SLC39A11: variants seen among roughly 807,000 people sequenced by gnomAD.
The protein encoded by SLC39A11 is solute carrier family 39 member 11.
Under a neutral mutation model 36.1 loss-of-function variants are expected in SLC39A11, and 33 were observed. That is an observed-to-expected ratio of 0.91 (90% CI 0.69 to 1.22). The LOEUF (loss-of-function observed/expected upper bound fraction) is 1.22, where lower values mean the gene tolerates loss of function less well. Ranked by LOEUF, SLC39A11 falls within the 50% of genes most tolerant of loss-of-function variation. SLC39A11 has a pLI of 0.00. For synonymous variants in SLC39A11, 166 were observed against 170.3 expected (o/e 0.97, Z 0.20); for missense variants, 432 against 430.3 (o/e 1.00, Z -0.03).
intron 6 of SLC39A11, among the ~76,000 whole-genome samples, chr17:72,829,014 C>T (rs2078152841): frequency 6.6e-6 from 1 of 152,118 alleles, no homozygotes; most frequent in African/African-American, 2.4e-5. Context: ...GGTTTGGTAA[C>T]ACAGTGCAGA....
chr17:73,066,950 G>C (rs533594972), intron 3 of SLC39A11, among the ~76,000 whole-genome samples: 2 of 152,116 alleles, frequency 1.3e-5, no homozygotes, highest in Non-Finnish European at 2.9e-5. Flanking sequence ...TATTTTTATC[G>C]TATATCCTTT....
chr17:72,932,363 A>T (rs1213766588), intron 5 of SLC39A11, among the ~76,000 whole-genome samples: 1 of 149,228 alleles, frequency 6.7e-6, no homozygotes, highest in African/African-American at 2.6e-5. Flanking sequence ...TTACATAGGT[A>T]TACACATGCC....
chr17:72,861,206 G>A (rs1022196970), intron 5 of SLC39A11, among the ~76,000 whole-genome samples: 3 of 152,164 alleles, frequency 2.0e-5, no homozygotes, highest in Non-Finnish European at 4.4e-5. Flanking sequence ...AATTCTCCAT[G>A]TCAGCAGAGT....
intron 3 of SLC39A11, among the ~76,000 whole-genome samples, chr17:73,062,718 C>T (rs762882290): frequency 5.9e-5 from 9 of 152,058 alleles, no homozygotes; most frequent in Non-Finnish European, 1.0e-4. Context: ...GGACTGGTTT[C>T]GTGGAAGACA....
chr17:72,971,604 G>C (rs1172806697), intron 4 of SLC39A11, among the ~76,000 whole-genome samples: 1 of 152,154 alleles, frequency 6.6e-6, no homozygotes, highest in Non-Finnish European at 1.5e-5. Context: ...GAGGAAGCTT[G>C]ACTCCCCGTG....
chr17:72,734,032 A>G (rs1056252896), intron 7 of SLC39A11, among the ~76,000 whole-genome samples: 5 of 152,174 alleles, frequency 3.3e-5, no homozygotes, highest in African/African-American at 1.2e-4. Flanking sequence ...GCAGGGTGGT[A>G]GGCTCTGCCT....
In SLC39A11 at chr17:73,031,537, A is replaced by C. The variant is rs2058738337; in HGVS notation, c.306+19T>G. ...TGGTTGTATCCCGATACGACAGCTA[A>C]AAGTAGAGTGGTACTCACCAAGTGA... is the stretch of plus-strand genomic sequence containing the variant. On this transcript the variant is annotated intron_variant, in intron 4 of 9. Transcript: ENST00000255559. 2.5e-6 allele frequency: 4 copies of C among 1,613,918 alleles called. No individual in the cohort carries two copies. The highest frequency in any genetic ancestry group is 3.4e-6 in the Non-Finnish European group (4 of 1,179,858).
rs975592531 is a variant in SLC39A11 at position 72,818,428 on chromosome 17, G to A, written c.601+31206C>T. On this transcript the variant is annotated intron_variant, in intron 6 of 9. Coordinates refer to ENST00000255559, the MANE Select transcript of SLC39A11 (RefSeq NM_139177.4). ...ACCTGCAGATGAAGTAGCTTGTTCC[G>A]AGAGGAATGACTTCACAAGGATGGC... Among the ~76,000 whole-genome samples, 5 of 152,158 alleles carry A rather than the reference G, an allele frequency of 3.3e-5. No homozygotes were observed. The South Asian group carries it at 6.2e-4, about 19-fold the overall frequency.
rs557510390 is a variant in SLC39A11, at chr17:72,735,447, G to A, written c.671+1203C>T. ...CAGTCACGATCAATGGGTGCAGGAG[G>A]GAGTGCTATTTCCTTGGGGGAGTCA... On this transcript the variant is annotated intron_variant, in intron 7 of 9. Coordinates refer to ENST00000255559, the MANE Select transcript of SLC39A11 (RefSeq NM_139177.4). Among the ~76,000 whole-genome samples, 220 of 152,228 alleles carry A rather than the reference G, an allele frequency of 1.4e-3. 1 individual carries two copies. Among genetic ancestry groups the A allele is most frequent in the Non-Finnish European group, 1.7e-3 (114 of 68,010 alleles).
chr17:72,706,325 A>C (rs970698618), intron 7 of SLC39A11, among the ~76,000 whole-genome samples: 2 of 152,176 alleles, frequency 1.3e-5, no homozygotes, highest in African/African-American at 4.8e-5. Flanking sequence ...TGGGTTGTAC[A>C]CAAGTCACAG....
chr17:72,861,657 T>TTATATATATA (rs373265286), intron 5 of SLC39A11, among the ~76,000 whole-genome samples: 1,264 of 50,700 alleles, frequency 0.025, 18 homozygotes, highest in African/African-American at 0.037. Context: ...ATACAACACA[T>TTATATATATA]TATATATATA....
At chr17:72,852,386 G>A (rs1281343502) in intron 5 of SLC39A11, among the ~76,000 whole-genome samples, 1 of 152,058 alleles carries the variant, frequency 6.6e-6, no homozygotes, top group Non-Finnish European at 1.5e-5. Context: ...ATTAGGAAAA[G>A]GGGGGTCTTT....
intron 5 of SLC39A11, among the ~76,000 whole-genome samples, chr17:72,944,420 G>C (rs571338944): frequency 1.1e-3 from 167 of 152,292 alleles, no homozygotes; most frequent in African/African-American, 3.8e-3. Flanking sequence ...AACTCAACTT[G>C]ACAGCTGAGT....
chr17:72,866,917 T>G (rs993518305), intron 5 of SLC39A11, among the ~76,000 whole-genome samples: 1 of 152,196 alleles, frequency 6.6e-6, no homozygotes, highest in Non-Finnish European at 1.5e-5. Flanking sequence ...TGAAGAGATA[T>G]TATAAGAGAA....
intron 5 of SLC39A11, among the ~76,000 whole-genome samples, chr17:72,909,456 A>T (rs1481005944): frequency 6.6e-6 from 1 of 152,198 alleles, no homozygotes; most frequent in Non-Finnish European, 1.5e-5. Context: ...TCCATGCAAC[A>T]CGCTCTGGAG....
intron 5 of SLC39A11, among the ~76,000 whole-genome samples, chr17:72,860,263 A>G (rs2079908523): frequency 4.6e-5 from 7 of 152,130 alleles, no homozygotes; most frequent in Admixed American, 4.6e-4. Context: ...TCACAGGATC[A>G]GCAAAAGTGA....
chr17:72,656,739 A>G (rs1490312291), intron 7 of SLC39A11, among the ~76,000 whole-genome samples: 1 of 152,176 alleles, frequency 6.6e-6, no homozygotes, highest in Non-Finnish European at 1.5e-5. Flanking sequence ...TTTGCTAGGA[A>G]GGGACAAAAC....
At chr17:72,674,965 GA>G (rs10718403) in intron 7 of SLC39A11, among the ~76,000 whole-genome samples, 119,584 of 151,800 alleles carry the variant, frequency 0.79, 47,270 homozygotes, top group South Asian at 0.82. Flanking sequence ...TCGTTCATTG[GA>G]AAAAAAAGTG....
chr17:72,661,514 G>A (rs2070418919), intron 7 of SLC39A11, among the ~76,000 whole-genome samples: 1 of 152,250 alleles, frequency 6.6e-6, no homozygotes, highest in African/African-American at 2.4e-5. Context: ...CGATGAGCGT[G>A]TGTGTTCTTG....
Sources: allele counts gnomAD v4.1 joint callset (sites outside exome capture counted in the v4.1 genomes callset), GRCh38; gene constraint gnomAD v4.1.1; transcripts MANE v1.5; gene names NCBI Gene and HGNC (gene_info 2026-07-23, HGNC 2026-07-21).